Variants in CDC42EP3 observed in about 807,000 individuals in gnomAD.
CDC42EP3 encodes the protein CDC42 effector protein 3.
Under a neutral mutation model 15.5 loss-of-function variants are expected in CDC42EP3, and 4 were observed. The observed-to-expected ratio is 0.26, with a 90% confidence interval of 0.13 to 0.59. The LOEUF is 0.59. CDC42EP3 is among the 20% of genes least tolerant of loss of function. The pLI, the probability that CDC42EP3 is intolerant of heterozygous loss-of-function variation, is 0.89. For synonymous variants in CDC42EP3, 145 were observed against 130.3 expected, an observed-to-expected ratio of 1.11 and a Z score of -0.77; for missense variants, 309 against 311.2, an observed-to-expected ratio of 0.99 and a Z score of 0.05.
intron 1 of CDC42EP3, among the ~76,000 whole-genome samples, chr2:37,650,190 G>A (rs2124615024): frequency 6.6e-6 from 1 of 152,230 alleles, no homozygotes; most frequent in Non-Finnish European, 1.5e-5. Context: ...GGGCAACCAT[G>A]ATTGATCCCA....
intron 1 of CDC42EP3, among the ~76,000 whole-genome samples, chr2:37,647,853 T>C (rs912929740): frequency 6.6e-6 from 1 of 152,164 alleles, no homozygotes; most frequent in Admixed American, 6.5e-5. Context: ...CCTATGGAAA[T>C]GAAATCTGCC....
At chr2:37,654,698 G>A (rs72879489) in intron 1 of CDC42EP3, among the ~76,000 whole-genome samples, 3,577 of 152,276 alleles carry the variant, frequency 0.023, 103 homozygotes, top group African/African-American at 0.067. Context: ...CAATTTCCTT[G>A]TAGTCCCATG....
Position 37,646,193 on chromosome 2 carries a change from T to C in CDC42EP3, c.395A>G (p.Gln132Arg). 6.2e-7 allele frequency: 1 copy of C among 1,614,206 alleles called. No homozygotes were observed. Among genetic ancestry groups the C allele is most frequent in the Non-Finnish European group, 8.5e-7 (1 of 1,180,028 alleles). The part of the protein sequence containing the change: ...LLSPVTFNSK[Q>R]ESFGPAKLPR... ...CAGCTTTGCTGGCCCGAAGGACTCCTGTTTGGAATTAAATGTCACTGGTGA... is the reference window on the plus strand; with the variant it reads ...CAGCTTTGCTGGCCCGAAGGACTCCCGTTTGGAATTAAATGTCACTGGTGA... The change falls in exon 2 of 2, where the codon CAG (glutamine) becomes CGG (arginine). Residue 132 changes from glutamine to arginine, a missense_variant. Coordinates refer to ENST00000295324, the MANE Select transcript of CDC42EP3 (RefSeq NM_006449.5).
chr2:37,669,934 A>G (rs1289020190), intron 1 of CDC42EP3, among the ~76,000 whole-genome samples: 1 of 152,250 alleles, frequency 6.6e-6, no homozygotes, highest in East Asian at 1.9e-4. Context: ...GTCTAAATCT[A>G]TTCTGAAAAG....
rs1371773003 is a variant in CDC42EP3, at chr2:37,644,928, TATGTG to T, written c.*890_*894del. The T allele has an allele frequency of 1.3e-5, 2 of 152,320 alleles. No homozygotes were observed. The highest frequency in any genetic ancestry group is 2.9e-5 in the Non-Finnish European group (2 of 68,022). The allele number at this position is 152,320 out of a possible 1,614,324, so 9.4% of individuals were successfully genotyped here. ...AAAATACCTATATTTCCAAATAACA[TATGTG>T]GTGTAGCCCACAGTCTCTGCAGAAG... On this transcript the variant is annotated 3_prime_UTR_variant, in exon 2 of 2. Transcript: ENST00000295324.
chr2:37,647,230 A>ATAAG (rs1387915860), intron 1 of CDC42EP3, among the ~76,000 whole-genome samples: 2 of 152,268 alleles, frequency 1.3e-5, no homozygotes, highest in Non-Finnish European at 2.9e-5. Flanking sequence ...CCATATGTAC[A>ATAAG]TAAGTTAATG....
chr2:37,662,287 G>C (rs929320746), intron 1 of CDC42EP3, among the ~76,000 whole-genome samples: 2 of 152,084 alleles, frequency 1.3e-5, no homozygotes, highest in East Asian at 3.9e-4. Context: ...GTCTTCCTGG[G>C]TAACAACGAG....
At chr2:37,671,268 C>A (rs1666409543) in intron 1 of CDC42EP3, among the ~76,000 whole-genome samples, 158 bp downstream of exon 1, 1 of 152,242 alleles carries the variant, frequency 6.6e-6, no homozygotes, top group Non-Finnish European at 1.5e-5. Flanking sequence ...CCCCTTCGTT[C>A]CGTTGGACAC....
intron 1 of CDC42EP3, among the ~76,000 whole-genome samples, chr2:37,662,962 C>T (rs1381057003): frequency 6.6e-6 from 1 of 152,098 alleles, no homozygotes; most frequent in African/African-American, 2.4e-5. Flanking sequence ...GTTAGGAGTT[C>T]GTGACCAGTC....
At chr2:37,652,465 C>A (rs572155623) in intron 1 of CDC42EP3, among the ~76,000 whole-genome samples, 1 of 152,322 alleles carries the variant, frequency 6.6e-6, no homozygotes, top group African/African-American at 2.4e-5. Flanking sequence ...TTTTAGCTTT[C>A]TGTCTCAGTC....
Position 37,642,545 on chromosome 2 carries a change from A to G in CDC42EP3, c.*3278T>C, listed in dbSNP as rs902264978. 1 of 152,262 alleles carries G rather than the reference A, an allele frequency of 6.6e-6. No individual in the cohort carries two copies. The highest frequency in any genetic ancestry group is 2.4e-5 in the African/African-American group (1 of 41,470). The allele number at this position is 152,262 out of a possible 1,614,324, so 9.4% of individuals were successfully genotyped here. ...TGGGGCTAGGTTAACCTCATTTCCA[A>G]AAGAAAAACTCTTACTGGAGAGAAA... is the stretch of plus-strand genomic sequence containing the variant. On this transcript the variant is annotated 3_prime_UTR_variant, in exon 2 of 2. Transcript: ENST00000295324.
At chr2:37,665,767 C>T (rs950674844) in intron 1 of CDC42EP3, among the ~76,000 whole-genome samples, 1 of 151,522 alleles carries the variant, frequency 6.6e-6, no homozygotes, top group African/African-American at 2.4e-5. Flanking sequence ...TCAGGCTGCT[C>T]TGCCAGAGAT....
chr2:37,656,014 A>C lies in CDC42EP3; in HGVS notation c.-235-9192T>G, dbSNP rs796959554. ...TTAACCCATACTACCTTGGAGGGCA[A>C]AGTTCCTAGCCATTTGCCTTTAGGC... On this transcript the variant is annotated intron_variant, in intron 1 of 1. Transcript: ENST00000295324. Among the ~76,000 whole-genome samples, 55 of 152,364 alleles carry C rather than the reference A, an allele frequency of 3.6e-4. 1 individual carries two copies. The highest frequency in any genetic ancestry group is 1.2e-3 in the African/African-American group (51 of 41,592).
At chr2:37,668,229 C>T (rs745614046) in intron 1 of CDC42EP3, among the ~76,000 whole-genome samples, 3 of 152,210 alleles carry the variant, frequency 2.0e-5, no homozygotes, top group Non-Finnish European at 2.9e-5. Flanking sequence ...GAAAAGAAAA[C>T]CACGGGTAAT....
rs934668639 is a variant in CDC42EP3, at chr2:37,644,440, G to A, written c.*1383C>T. 3 of 152,020 alleles carry A rather than the reference G, an allele frequency of 2.0e-5. No homozygotes were observed. The highest frequency in any genetic ancestry group is 4.4e-5 in the Non-Finnish European group (3 of 68,032). The allele number at this position is 152,020 out of a possible 1,614,324, so 9.4% of individuals were successfully genotyped here. ...AGGGCATCTCTGGCACCTTGGGGTC[G>A]GGTAAGTGCTCTCTACTGCCCTCGT... On this transcript the variant is annotated 3_prime_UTR_variant, in exon 2 of 2. Transcript: ENST00000295324.
chr2:37,656,993 C>CCCCCCCCCA (rs1665878814), intron 1 of CDC42EP3, among the ~76,000 whole-genome samples: 2 of 87,032 alleles, frequency 2.3e-5, no homozygotes, highest in African/African-American at 1.1e-4. Context: ...CCCCCCCACC[C>CCCCCCCCCA]CCCGCCCCCC....
chr2:37,651,433 G>A (rs1198882039), intron 1 of CDC42EP3, among the ~76,000 whole-genome samples: 1 of 152,156 alleles, frequency 6.6e-6, no homozygotes, highest in African/African-American at 2.4e-5. Context: ...AGCCTACTAT[G>A]AGTTACTGAT....
chr2:37,670,941 C>A (rs1236425580), intron 1 of CDC42EP3, among the ~76,000 whole-genome samples: 2 of 151,750 alleles, frequency 1.3e-5, no homozygotes, highest in Non-Finnish European at 2.9e-5. Context: ...AAGTCAATAT[C>A]CAGATCTGCA....
Position 37,645,568 on chromosome 2 carries a change from G to A in CDC42EP3, c.*255C>T, listed in dbSNP as rs776928189. 82 of 332,790 alleles carry A rather than the reference G, an allele frequency of 2.5e-4. No individual in the cohort carries two copies. The highest frequency in any genetic ancestry group is 8.3e-4 in the Middle Eastern group (1 of 1,206). The allele number at this position is 332,790 out of a possible 1,614,324, so 20.6% of individuals were successfully genotyped here. On this transcript the variant is annotated 3_prime_UTR_variant, in exon 2 of 2. Coordinates refer to ENST00000295324, the MANE Select transcript of CDC42EP3 (RefSeq NM_006449.5). ...TTGTGTGTCTGCAAACAATATGTGA[G>A]CCGAACATCACCAATGCCTCCTGAA... is the stretch of plus-strand genomic sequence containing the variant.
Sources: allele counts gnomAD v4.1 joint callset (sites outside exome capture counted in the v4.1 genomes callset), GRCh38; gene constraint gnomAD v4.1.1; transcripts MANE v1.5; gene names NCBI Gene and HGNC (gene_info 2026-07-23, HGNC 2026-07-21).